Variants in ADAMTSL2 observed in about 807,000 individuals in gnomAD.
ADAMTSL2 encodes ADAMTS like 2, also known as ADAMTS-like protein 2.
Under a neutral mutation model 117.0 loss-of-function variants are expected in ADAMTSL2, and 55 were observed. The observed-to-expected ratio is 0.47, with a 90% CI of 0.38 to 0.59. The LOEUF is 0.59. ADAMTSL2 is among the 20% of genes least tolerant of loss of function. The pLI, the probability that ADAMTSL2 is intolerant of heterozygous loss-of-function variation, is 0.00. For missense variants in ADAMTSL2, 1,182 were observed against 1,354.5 expected (o/e 0.87, Z 2.00); for synonymous variants, 572 against 566.4 (o/e 1.01, Z -0.14).
At chr9:133,564,846 C>G (rs1448122460) in intron 12 of ADAMTSL2, among the ~76,000 whole-genome samples, 4 of 151,972 alleles carry the variant, frequency 2.6e-5, no homozygotes, top group Non-Finnish European at 5.9e-5. Context: ...AGGTTGTGTC[C>G]GTGCGGATGT....
intron 11 of ADAMTSL2, among the ~76,000 whole-genome samples, chr9:133,560,622 G>C (rs1291793393): frequency 6.6e-6 from 1 of 152,216 alleles, no homozygotes; most frequent in African/African-American, 2.4e-5. Flanking sequence ...CAGCAGGTCC[G>C]TGCAGCCATG....
At chr9:133,556,659 A>G (rs368364437) in intron 11 of ADAMTSL2, among the ~76,000 whole-genome samples, 2 of 152,270 alleles carry the variant, frequency 1.3e-5, no homozygotes, top group South Asian at 2.1e-4. Context: ...ATGGGCAGCC[A>G]TGTCTGGGGG....
At chr9:133,571,089 C>G (rs1428512569) in intron 17 of ADAMTSL2, among the ~76,000 whole-genome samples, 3 of 152,136 alleles carry the variant, frequency 2.0e-5, no homozygotes, top group Admixed American at 2.0e-4. Flanking sequence ...ATGCTGAGAT[C>G]GCGGTTCTCT....
intron 10 of ADAMTSL2, 45 bp from the exon 11 acceptor site, chr9:133,555,513 A>G (rs1830584470): frequency 1.1e-5 from 17 of 1,612,078 alleles, no homozygotes; most frequent in Admixed American, 5.0e-5. Context: ...CCTTGCCCCC[A>G]GGGCTCGGAT....
At chr9:133,539,339 C>T (rs1007887160) in intron 4 of ADAMTSL2, among the ~76,000 whole-genome samples, 9 of 152,190 alleles carry the variant, frequency 5.9e-5, no homozygotes, top group East Asian at 1.9e-4. Context: ...GTCAGGACCA[C>T]GATCTTCCTG....
intron 12 of ADAMTSL2, 61 bp downstream of exon 12, chr9:133,561,356 C>G: frequency 1.4e-6 from 2 of 1,453,142 alleles, no homozygotes; most frequent in East Asian, 4.9e-5. Context: ...TGGACATGGG[C>G]TGGGGCTGTG....
At chr9:133,534,456 C>G (rs1025809011), upstream of ADAMTSL2, 6 of 340,996 alleles carry the variant, frequency 1.8e-5, no homozygotes, top group Non-Finnish European at 2.6e-5. Context: ...TCCGTCTGGA[C>G]ACCCGACATG....
intron 12 of ADAMTSL2, among the ~76,000 whole-genome samples, chr9:133,564,593 A>G (rs1588305164): frequency 1.3e-5 from 1 of 76,184 alleles, no homozygotes; most frequent in African/African-American, 5.4e-5. Context: ...GGAGAGAGAG[A>G]GGGGGAGAGA....
chr9:133,540,184 C>T (rs1030185341), intron 5 of ADAMTSL2, among the ~76,000 whole-genome samples: 1 of 152,224 alleles, frequency 6.6e-6, no homozygotes, highest in Admixed American at 6.5e-5. Flanking sequence ...CCTAGACGAT[C>T]CCAAACGGAG....
chr9:133,534,814 T>C lies in ADAMTSL2; in HGVS notation c.-254T>C. On this transcript the variant is annotated 5_prime_UTR_variant, in exon 1 of 19. Coordinates refer to ENST00000651351, the MANE Select transcript of ADAMTSL2 (RefSeq NM_014694.4). ...GGGAGAGGGAGGCCGGGCCGCAGCC[T>C]CTGCACTCACGCCGCCCCCGCACGC... 1 of 1,491,212 alleles carries C rather than the reference T, an allele frequency of 6.7e-7. No individual in the cohort carries two copies. Among genetic ancestry groups the C allele is most frequent in the Non-Finnish European group, 9.0e-7 (1 of 1,116,082 alleles). 92.4% of individuals were successfully genotyped at this position (1,491,212 alleles called of 1,614,324 possible).
intron 5 of ADAMTSL2, among the ~76,000 whole-genome samples, chr9:133,540,237 A>G (rs1830182592): frequency 6.6e-6 from 1 of 152,234 alleles, no homozygotes; most frequent in East Asian, 1.9e-4. Flanking sequence ...CTCAGGCAAC[A>G]GTGTAAATGC....
rs1319689857 is a variant in ADAMTSL2, at chr9:133,571,412, G to T, written c.2592+905G>T. ...GGGGCCCTGGGCAGGGAGCCCCGAG[G>T]TGGGTGGGCAGCCCTGGTTTCACAG... On this transcript the variant is annotated intron_variant, in intron 17 of 18. Coordinates refer to ENST00000651351, the MANE Select transcript of ADAMTSL2 (RefSeq NM_014694.4). 1.4e-4 allele frequency among the ~76,000 whole-genome samples: 22 copies of T among 152,312 alleles called. No homozygotes were observed. In the South Asian group the frequency reaches 4.4e-3, roughly 30 times the overall value.
At chr9:133,555,066 C>T (rs1254704800) in intron 10 of ADAMTSL2, among the ~76,000 whole-genome samples, 1 of 152,070 alleles carries the variant, frequency 6.6e-6, no homozygotes, top group African/African-American at 2.4e-5. Flanking sequence ...TCAGCTCGGA[C>T]AGCACAGGGA....
At chr9:133,573,700 C>T in intron 17 of ADAMTSL2, 143 bp from the exon 18 acceptor site, 1 of 982,276 alleles carries the variant, frequency 1.0e-6, no homozygotes, top group Non-Finnish European at 1.6e-6. Context: ...AATGGGCTTC[C>T]ACGGGTCCTG....
chr9:133,564,203 A>AGG (rs1564509377), intron 12 of ADAMTSL2, among the ~76,000 whole-genome samples: 1 of 73,914 alleles, frequency 1.4e-5, no homozygotes, highest in Non-Finnish European at 2.8e-5. Context: ...AGAGAGGGAG[A>AGG]GAGAGAGAGG....
At chr9:133,559,007 AG>A (rs1830668464) in intron 11 of ADAMTSL2, among the ~76,000 whole-genome samples, 1 of 152,172 alleles carries the variant, frequency 6.6e-6, no homozygotes, top group Non-Finnish European at 1.5e-5. Flanking sequence ...CTCTTGAGTC[AG>A]GCATGAGTCA....
chr9:133,568,759 G>A lies in ADAMTSL2; in HGVS notation c.2244+1G>A. On this transcript the variant is annotated splice_donor_variant, in intron 15 of 18. Transcript: ENST00000651351. LOFTEE classifies it high-confidence loss of function. Reference sequence around the variant, plus strand: ...GTGGACCGTCTCCGACTGGGGACCGGTGAGGCCTGCACTGAGGGGTGGCTG... The same window carrying A: ...GTGGACCGTCTCCGACTGGGGACCGATGAGGCCTGCACTGAGGGGTGGCTG... The A allele has an allele frequency of 6.2e-7, 1 of 1,612,980 alleles. No individual in the cohort carries two copies. Among genetic ancestry groups the A allele is most frequent in the Non-Finnish European group, 8.5e-7 (1 of 1,179,974 alleles).
rs1188512438 is a variant in ADAMTSL2, at chr9:133,560,631, T to A, written c.1650-567T>A. Among the ~76,000 whole-genome samples the A allele has an allele frequency of 3.9e-5, 6 of 152,264 alleles. No individual in the cohort carries two copies. The East Asian group carries it at 1.2e-3, about 29-fold the overall frequency. On this transcript the variant is annotated intron_variant, in intron 11 of 18. Coordinates refer to ENST00000651351, the MANE Select transcript of ADAMTSL2 (RefSeq NM_014694.4). ...CGACCCCAGCAGGTCCGTGCAGCCA[T>A]GGCCTGCCTGAATTGCACTGTAGGC...
intron 4 of ADAMTSL2, 85 bp from the exon 5 acceptor site, chr9:133,539,686 G>GTCCCGGCTGTCCCGGCTATCCCGGCTGT: frequency 1.5e-6 from 2 of 1,305,780 alleles, no homozygotes; most frequent in Non-Finnish European, 1.1e-6. Flanking sequence ...TGTCCCGGCT[G>GTCCCGGCTGTCCCGGCTATCCCGGCTGT]CAGCCACTTC....
Sources: gnomAD v4.1 joint callset for allele counts (sites outside exome capture counted in the v4.1 genomes callset) on GRCh38, gnomAD v4.1.1 for gene constraint, MANE v1.5 for transcripts, NCBI Gene and HGNC (gene_info 2026-07-23, HGNC 2026-07-21) for gene names.